Variants in LRBA observed in about 807,000 individuals in gnomAD.
LRBA encodes the protein lipopolysaccharide-responsive and beige-like anchor protein.
A neutral mutation model predicts 330.0 loss-of-function variants in LRBA; 176 were observed. That is an observed-to-expected ratio of 0.53 (90% CI 0.47 to 0.60). The LOEUF (loss-of-function observed/expected upper bound fraction) is 0.60. LRBA is among the 20% of genes least tolerant of loss of function. LRBA has a pLI of 0.00. For missense variants in LRBA, 3,259 were observed against 3,444.8 expected (o/e 0.95, Z 1.35); for synonymous variants, 1,230 against 1,193.0 (o/e 1.03, Z -0.64).
intron 40 of LRBA, among the ~76,000 whole-genome samples, chr4:150,577,198 G>A (rs1770653741): frequency 6.6e-6 from 1 of 151,792 alleles, no homozygotes; most frequent in Admixed American, 6.6e-5. Context: ...TTATAATGTG[G>A]ACAGTATAAT....
intron 53 of LRBA, among the ~76,000 whole-genome samples, chr4:150,288,811 T>C (rs1033278531): frequency 4.1e-5 from 6 of 145,092 alleles, no homozygotes; most frequent in African/African-American, 1.0e-4. Context: ...TTTTTTTTTT[T>C]CTTAAGTTAC....
intron 56 of LRBA, among the ~76,000 whole-genome samples, chr4:150,266,026 C>T (rs1414118068): frequency 6.6e-6 from 1 of 152,198 alleles, no homozygotes; most frequent in African/African-American, 2.4e-5. Flanking sequence ...CAAGCCACAG[C>T]TTGCTTTTTC....
chr4:150,568,130 A>AC (rs950223025), intron 40 of LRBA, among the ~76,000 whole-genome samples: 1 of 152,096 alleles, frequency 6.6e-6, no homozygotes, highest in Non-Finnish European at 1.5e-5. Flanking sequence ...ACATAGTGAG[A>AC]CCCCGTCTCT....
intron 40 of LRBA, chr4:150,581,386 AG>A: frequency 2.3e-6 from 1 of 436,676 alleles, no homozygotes; most frequent in Admixed American, 2.5e-5. Flanking sequence ...CAACAATGGG[AG>A]GGGAGGGGAA....
chr4:150,478,008 TC>T (rs1182825826), intron 42 of LRBA, among the ~76,000 whole-genome samples: 2 of 152,222 alleles, frequency 1.3e-5, no homozygotes, highest in African/African-American at 2.4e-5. Flanking sequence ...TTTGAGCCAC[TC>T]CTGTTTTTGC....
At chr4:150,767,023 T>C (rs949560307) in intron 34 of LRBA, among the ~76,000 whole-genome samples, 6 of 152,120 alleles carry the variant, frequency 3.9e-5, no homozygotes, top group Non-Finnish European at 7.4e-5. Flanking sequence ...ATAATACATA[T>C]TAGTGAAATC....
At chr4:150,723,054 G>C (rs1729143140) in intron 36 of LRBA, among the ~76,000 whole-genome samples, 1 of 152,098 alleles carries the variant, frequency 6.6e-6, no homozygotes, top group Admixed American at 6.5e-5. Flanking sequence ...CAGAACATGA[G>C]TTTCTTGGCA....
At chr4:150,890,733 G>A (rs1729373092) in intron 17 of LRBA, among the ~76,000 whole-genome samples, 2 of 152,272 alleles carry the variant, frequency 1.3e-5, no homozygotes, top group South Asian at 2.1e-4. Context: ...GTTAAGATGA[G>A]TTAGTCACAA....
intron 46 of LRBA, among the ~76,000 whole-genome samples, chr4:150,420,349 A>G (rs9762059): frequency 0.1 from 5,937 of 59,438 alleles, 250 homozygotes; most frequent in Middle Eastern, 0.3. Context: ...TATATATAAT[A>G]CACATTATAG....
intron 44 of LRBA, among the ~76,000 whole-genome samples, chr4:150,444,067 A>G (rs1752264603): frequency 6.6e-6 from 1 of 151,692 alleles, no homozygotes; most frequent in South Asian, 2.1e-4. Context: ...GTCTGTGGAT[A>G]TCACCTTAGA....
chr4:150,881,232 A>G (rs1302673457), intron 17 of LRBA, among the ~76,000 whole-genome samples: 1 of 152,234 alleles, frequency 6.6e-6, no homozygotes, highest in Non-Finnish European at 1.5e-5. Flanking sequence ...GTATTACAGC[A>G]CTAATCACAA....
At chr4:150,689,124 C>T (rs997016501) in intron 36 of LRBA, among the ~76,000 whole-genome samples, 33 of 152,174 alleles carry the variant, frequency 2.2e-4, no homozygotes, top group South Asian at 2.1e-4. Flanking sequence ...GAATACTGTG[C>T]AGCCATAAAA....
chr4:150,938,076 TA>T (rs58730047), intron 2 of LRBA, among the ~76,000 whole-genome samples: 2,123 of 132,142 alleles, frequency 0.016, 7 homozygotes, highest in Non-Finnish European at 0.019. Context: ...TGGTATAGTT[TA>T]AAAAAAAAAA....
chr4:150,945,582 A>G (rs1466694846), intron 2 of LRBA, among the ~76,000 whole-genome samples: 1 of 152,210 alleles, frequency 6.6e-6, no homozygotes, highest in Non-Finnish European at 1.5e-5. Context: ...CTAAGTGCCC[A>G]CTTATGCACT....
rs565495589 is a variant in LRBA, at chr4:150,886,624, A to C, written c.2165+6428T>G. On this transcript the variant is annotated intron_variant, in intron 17 of 56. Coordinates refer to ENST00000651943, the MANE Select transcript of LRBA (RefSeq NM_001364905.1). ...AAGAAAACCCAAAGTAGGGTAAGAGAGGTTTGAAAAATGAAGGGACACTGG... is the reference window on the plus strand; with the variant it reads ...AAGAAAACCCAAAGTAGGGTAAGAGCGGTTTGAAAAATGAAGGGACACTGG... Among the ~76,000 whole-genome samples, 17 of 152,274 alleles carry C rather than the reference A, an allele frequency of 1.1e-4. No homozygotes were observed. The South Asian group carries it at 2.1e-3, about 19-fold the overall frequency.
chr4:151,004,807 G>A (rs1743812658), intron 2 of LRBA, among the ~76,000 whole-genome samples: 1 of 151,946 alleles, frequency 6.6e-6, no homozygotes, highest in Non-Finnish European at 1.5e-5. Flanking sequence ...GCAACACAGT[G>A]AAACCCCATC....
At chr4:150,988,438 C>T (rs1002900691) in intron 2 of LRBA, among the ~76,000 whole-genome samples, 1 of 151,992 alleles carries the variant, frequency 6.6e-6, no homozygotes, top group African/African-American at 2.4e-5. Flanking sequence ...AGAAAACAAA[C>T]ATATAGAGGC....
chr4:150,822,476 T>C (rs1440652444), intron 30 of LRBA, among the ~76,000 whole-genome samples: 1 of 152,142 alleles, frequency 6.6e-6, no homozygotes, highest in Non-Finnish European at 1.5e-5. Flanking sequence ...ATTATAAAAA[T>C]TGAGAATAGA....
chr4:150,915,399 AT>A (rs1172570376), intron 8 of LRBA, among the ~76,000 whole-genome samples: 1 of 152,084 alleles, frequency 6.6e-6, no homozygotes, highest in Non-Finnish European at 1.5e-5. Flanking sequence ...ATAAATCCTT[AT>A]TTCTACCTAT....
Sources: gnomAD v4.1 joint callset for allele counts (sites outside exome capture counted in the v4.1 genomes callset) on GRCh38, gnomAD v4.1.1 for gene constraint, MANE v1.5 for transcripts, NCBI Gene and HGNC (gene_info 2026-07-23, HGNC 2026-07-21) for gene names.